MCU: variants seen among roughly 807,000 people sequenced by gnomAD.
MCU encodes the protein calcium uniporter protein, mitochondrial.
Under a neutral mutation model 45.2 loss-of-function variants are expected in MCU, and 12 were observed. The ratio of observed to expected loss-of-function variants is 0.27; its 90% CI spans 0.17 to 0.43. The LOEUF is 0.43. Among genes scored for constraint, MCU ranks in the 20% least tolerant of loss-of-function variants. The pLI, the probability that MCU is intolerant of heterozygous loss-of-function variation, is 1.00. For missense variants in MCU, 324 were observed against 436.7 expected (o/e 0.74, Z 2.30); for synonymous variants, 160 against 165.1 (o/e 0.97, Z 0.24).
intron 1 of MCU, among the ~76,000 whole-genome samples, chr10:72,783,980 C>A (rs1844034205): frequency 2.0e-5 from 3 of 152,148 alleles, no homozygotes; most frequent in Admixed American, 6.5e-5. Flanking sequence ...TACCAGCCCC[C>A]AAAAGTCAAT....
At chr10:72,823,044 C>T (rs1465091778) in intron 1 of MCU, among the ~76,000 whole-genome samples, 1 of 152,102 alleles carries the variant, frequency 6.6e-6, no homozygotes, top group African/African-American at 2.4e-5. Flanking sequence ...AATATATGTT[C>T]ACACAAAAAC....
At chr10:72,705,720 A>C (rs1216159072) in intron 1 of MCU, among the ~76,000 whole-genome samples, 3 of 152,172 alleles carry the variant, frequency 2.0e-5, no homozygotes, top group Admixed American at 6.5e-5. Context: ...TGGGGGGCTG[A>C]GGCAGGAGAA....
chr10:72,817,073 G>T (rs7092031), intron 1 of MCU, among the ~76,000 whole-genome samples: 100,683 of 152,040 alleles, frequency 0.66, 35,310 homozygotes, highest in African/African-American at 0.83. Flanking sequence ...GGAGAATCAT[G>T]TTTGGTTGGT....
At chr10:72,879,054 A>G (rs1235065065) in intron 6 of MCU, among the ~76,000 whole-genome samples, 1 of 152,170 alleles carries the variant, frequency 6.6e-6, no homozygotes. Flanking sequence ...ACTTGAAGCC[A>G]GGGGTTTGAG....
At chr10:72,864,545 G>A (rs1564578331) in intron 4 of MCU, among the ~76,000 whole-genome samples, 1 of 152,074 alleles carries the variant, frequency 6.6e-6, no homozygotes, top group Non-Finnish European at 1.5e-5. Context: ...TGATTTTAAT[G>A]TTTTATTTTC....
intron 1 of MCU, among the ~76,000 whole-genome samples, chr10:72,704,180 G>T (rs1459802246): frequency 6.6e-6 from 1 of 152,178 alleles, no homozygotes; most frequent in Non-Finnish European, 1.5e-5. Flanking sequence ...AGAAAGACCA[G>T]TAAGGAGCAT....
chr10:72,726,378 A>G (rs1355940887), intron 1 of MCU, among the ~76,000 whole-genome samples: 5 of 152,060 alleles, frequency 3.3e-5, no homozygotes, highest in Non-Finnish European at 7.4e-5. Flanking sequence ...CCTCTAAGTC[A>G]ACTGATACAG....
chr10:72,759,291 CTG>C (rs1438812315), intron 1 of MCU, among the ~76,000 whole-genome samples: 3 of 152,040 alleles, frequency 2.0e-5, no homozygotes, highest in Non-Finnish European at 2.9e-5. Context: ...GGGTACATGA[CTG>C]GGGGCTGCAT....
At chr10:72,760,225 A>AT (rs1843635540) in intron 1 of MCU, among the ~76,000 whole-genome samples, 1 of 151,866 alleles carries the variant, frequency 6.6e-6, no homozygotes, top group Admixed American at 6.6e-5. Flanking sequence ...ATTTTATTTT[A>AT]TTTTTGGTGG....
At chr10:72,846,742 C>A (rs1845129376) in intron 2 of MCU, among the ~76,000 whole-genome samples, 2 of 152,044 alleles carry the variant, frequency 1.3e-5, no homozygotes, top group African/African-American at 2.4e-5. Flanking sequence ...CTCCTCCCAC[C>A]CCTCAAAGCC....
chr10:72,701,231 ACCAT>A (rs1842755385), intron 1 of MCU, among the ~76,000 whole-genome samples: 1 of 152,200 alleles, frequency 6.6e-6, no homozygotes, highest in African/African-American at 2.4e-5. Context: ...TATAGAAGAA[ACCAT>A]CTAAGACCTG....
chr10:72,743,524 T>C (rs1229378194), intron 1 of MCU, among the ~76,000 whole-genome samples: 5 of 152,058 alleles, frequency 3.3e-5, no homozygotes, highest in Non-Finnish European at 5.9e-5. Flanking sequence ...AGATATTTAC[T>C]GAATACCTAC....
Position 72,748,049 on chromosome 10 carries a change from C to T in MCU, c.150+55748C>T, listed in dbSNP as rs1843439290. 3.3e-5 allele frequency among the ~76,000 whole-genome samples: 5 copies of T among 151,082 alleles called. No individual in the cohort carries two copies. In the South Asian group the frequency reaches 1.0e-3, roughly 32 times the overall value. The stretch of plus-strand genomic sequence containing the variant: ...TAATCTTCAAGAGTCTTACGACAAC[C>T]ATCTTTTTTTTTTTTTGAGACGGAG... On this transcript the variant is annotated intron_variant, in intron 1 of 7. Coordinates refer to ENST00000373053, the MANE Select transcript of MCU (RefSeq NM_138357.3).
At chr10:72,879,866 C>G (rs1845674167) in intron 6 of MCU, among the ~76,000 whole-genome samples, 1 of 151,992 alleles carries the variant, frequency 6.6e-6, no homozygotes. Context: ...GCCAACATGG[C>G]AAAACCCTGT....
intron 1 of MCU, among the ~76,000 whole-genome samples, chr10:72,803,790 A>G (rs1844377636): frequency 6.6e-6 from 1 of 151,494 alleles, no homozygotes; most frequent in African/African-American, 2.4e-5. Flanking sequence ...TTCTGTAAAT[A>G]CTTCAATATA....
At chr10:72,847,293 C>T (rs1845137443) in intron 2 of MCU, among the ~76,000 whole-genome samples, 1 of 152,134 alleles carries the variant, frequency 6.6e-6, no homozygotes, top group Non-Finnish European at 1.5e-5. Context: ...GATTTCTGAT[C>T]AAGTTGGGGG....
chr10:72,766,016 G>C (rs992605523), intron 1 of MCU, among the ~76,000 whole-genome samples: 12 of 151,962 alleles, frequency 7.9e-5, no homozygotes, highest in Admixed American at 5.9e-4. Flanking sequence ...ACAGGCATGT[G>C]CCACCACACC....
chr10:72,840,872 T>G (rs1845038016), intron 2 of MCU, among the ~76,000 whole-genome samples: 1 of 152,182 alleles, frequency 6.6e-6, no homozygotes, highest in South Asian at 2.1e-4. Context: ...CACAGAACTC[T>G]TTTCTTGAAG....
intron 6 of MCU, among the ~76,000 whole-genome samples, chr10:72,873,742 A>C (rs921985749): frequency 8.5e-5 from 13 of 152,190 alleles, no homozygotes; most frequent in Non-Finnish European, 8.8e-5. Context: ...TTCAGGTCTT[A>C]GATTGAAGTC....
Sources: gnomAD v4.1 joint callset for allele counts (sites outside exome capture counted in the v4.1 genomes callset) on GRCh38, gnomAD v4.1.1 for gene constraint, MANE v1.5 for transcripts, NCBI Gene and HGNC (gene_info 2026-07-23, HGNC 2026-07-21) for gene names.